Variants in RAI14 observed in about 807,000 individuals in gnomAD.
RAI14 encodes the protein ankycorbin.
RAI14 carries 45 observed loss-of-function variants against 115.4 expected under a neutral mutation model. The observed-to-expected ratio is 0.39, with a 90% CI of 0.31 to 0.50. The LOEUF is 0.50. RAI14 is among the 20% of genes least tolerant of loss of function. The pLI is 0.85. For synonymous variants in RAI14, 371 were observed against 415.4 expected, an observed-to-expected ratio of 0.89 and a Z score of 1.30; for missense variants, 939 against 1,131.2, an observed-to-expected ratio of 0.83 and a Z score of 2.44.
chr5:34,803,934 A>G lies in RAI14; in HGVS notation c.321+158A>G, dbSNP rs149072567. ...AAGCTTCATGATTGAAATGATAGCC[A>G]AGGAGAAGACTGTCTCCATAGCAAC... On this transcript the variant is annotated intron_variant, in intron 5 of 17. Coordinates refer to ENST00000265109, the MANE Select transcript of RAI14 (RefSeq NM_015577.3). 3.7e-4 allele frequency among the ~76,000 whole-genome samples: 56 copies of G among 152,314 alleles called. No individual in the cohort carries two copies. The East Asian group carries it at 6.8e-3, about 18-fold the overall frequency.
Position 34,822,983 on chromosome 5 carries a change from G to A in RAI14, c.1141G>A (p.Asp381Asn). ...QAKSPKEAEA[D>N]LSFDSYHSTQ... ...CAAATCACCCAAGGAGGCGGAAGCA[G>A]ACCTAAGCTTTGACTCATACCATTC... Residue 381 changes from aspartate (D) to asparagine (N), a missense_variant, in exon 15 of 18, where the codon GAC (aspartate) becomes AAC (asparagine). By Grantham distance (23) the Asp-to-Asn change is conservative. Coordinates refer to ENST00000265109, the MANE Select transcript of RAI14 (RefSeq NM_015577.3). 6.2e-7 allele frequency: 1 copy of A among 1,613,484 alleles called. No individual in the cohort carries two copies. The highest frequency in any genetic ancestry group is 8.5e-7 in the Non-Finnish European group (1 of 1,179,824).
intron 3 of RAI14, among the ~76,000 whole-genome samples, chr5:34,762,654 C>T (rs554127197): frequency 1.3e-5 from 2 of 152,252 alleles, no homozygotes; most frequent in African/African-American, 4.8e-5. Context: ...TAGCTGCAGC[C>T]TGTGTTTATG....
At chr5:34,798,842 G>A (rs544740402) in intron 4 of RAI14, among the ~76,000 whole-genome samples, 14 of 152,306 alleles carry the variant, frequency 9.2e-5, no homozygotes, top group African/African-American at 3.4e-4. Flanking sequence ...AATTGAAATT[G>A]GTGGAATCCA....
At chr5:34,798,650 T>TACC (rs1052608727) in intron 4 of RAI14, among the ~76,000 whole-genome samples, 2 of 152,210 alleles carry the variant, frequency 1.3e-5, no homozygotes, top group African/African-American at 4.8e-5. Flanking sequence ...AGCTCATATT[T>TACC]ACCACCAGAG....
chr5:34,827,198 TCTC>T lies in RAI14; in HGVS notation c.2799+725_2799+727del, dbSNP rs1224806803. Among the ~76,000 whole-genome samples the T allele has an allele frequency of 6.6e-6, 1 of 152,226 alleles. No homozygotes were observed. Among genetic ancestry groups the T allele is most frequent in the East Asian group, 1.9e-4 (1 of 5,170 alleles). On this transcript the variant is annotated intron_variant, in intron 16 of 17. Coordinates refer to ENST00000265109, the MANE Select transcript of RAI14 (RefSeq NM_015577.3). The surrounding 1 kb of genome is among the most constrained non-coding windows in gnomAD (Gnocchi z 4.2). ...CTCCAGCATCTGCTCAGTCTTCCCATCTCCTCCTTCAGCCTTTGATTTTCTTGC... is the reference window on the plus strand; with the variant it reads ...CTCCAGCATCTGCTCAGTCTTCCCATCTCCTTCAGCCTTTGATTTTCTTGC...
Position 34,673,884 on chromosome 5 carries a change from G to C in RAI14, c.-48-12988G>C, listed in dbSNP as rs1409134854. 4.6e-5 allele frequency among the ~76,000 whole-genome samples: 7 copies of C among 152,146 alleles called. No individual in the cohort carries two copies. In the East Asian group the frequency reaches 1.2e-3, roughly 25 times the overall value. On this transcript the variant is annotated intron_variant, in intron 1 of 17. Transcript: ENST00000265109. ...CCCTCCCCCAACTCTAAAAACCCCA[G>C]AGTCTCTGAATAGCCCTGATGAGGA... is the stretch of plus-strand genomic sequence containing the variant.
chr5:34,694,185 T>C (rs1738959561), intron 2 of RAI14, among the ~76,000 whole-genome samples: 1 of 152,238 alleles, frequency 6.6e-6, no homozygotes, highest in Admixed American at 6.5e-5. Flanking sequence ...ATTTAGACCA[T>C]TATCTCTTAC....
At chr5:34,811,686 C>T (rs1305985867) in intron 8 of RAI14, 81 bp from the exon 9 acceptor site, 5 of 1,301,102 alleles carry the variant, frequency 3.8e-6, no homozygotes, top group Non-Finnish European at 5.2e-6. Flanking sequence ...CTTCTTTTCT[C>T]TTTTTTTAAG....
At chr5:34,724,501 C>T (rs1451023092) in intron 2 of RAI14, among the ~76,000 whole-genome samples, 1 of 152,162 alleles carries the variant, frequency 6.6e-6, no homozygotes, top group Non-Finnish European at 1.5e-5. Context: ...TCCCCTAACT[C>T]CCCATGGCGT....
intron 2 of RAI14, among the ~76,000 whole-genome samples, chr5:34,753,223 C>T (rs925125065): frequency 2.2e-4 from 33 of 151,950 alleles, no homozygotes; most frequent in Non-Finnish European, 4.6e-4. Context: ...ATGGTGGTCT[C>T]CAAAAGCCTT....
chr5:34,714,138 C>T (rs939391021), intron 2 of RAI14, among the ~76,000 whole-genome samples: 2 of 152,182 alleles, frequency 1.3e-5, no homozygotes, highest in Admixed American at 6.5e-5. Context: ...AGGTACAGTT[C>T]TACTGTTCTA....
intron 3 of RAI14, among the ~76,000 whole-genome samples, chr5:34,778,351 T>G (rs925612997): frequency 1.1e-4 from 16 of 152,216 alleles, no homozygotes; most frequent in African/African-American, 3.9e-4. Flanking sequence ...ACTCTTTAAG[T>G]TAGCCAAGAC....
At chr5:34,776,800 CTT>C (rs1750902677) in intron 3 of RAI14, among the ~76,000 whole-genome samples, 2 of 149,408 alleles carry the variant, frequency 1.3e-5, no homozygotes, top group African/African-American at 2.4e-5. Context: ...GAGTGAGACC[CTT>C]TATTAAAAAA....
intron 2 of RAI14, among the ~76,000 whole-genome samples, chr5:34,748,376 G>T (rs536064211): frequency 6.6e-6 from 1 of 152,236 alleles, no homozygotes; most frequent in Non-Finnish European, 1.5e-5. Context: ...TGCTTGCCGT[G>T]TTGTATTGGT....
chr5:34,701,456 A>G (rs1432601563), intron 2 of RAI14, among the ~76,000 whole-genome samples: 2 of 152,200 alleles, frequency 1.3e-5, no homozygotes, highest in African/African-American at 4.8e-5. Flanking sequence ...AAGGACAGCC[A>G]CTGTAAGACT....
chr5:34,716,991 T>C (rs1742078328), intron 2 of RAI14: 1 of 152,224 alleles, frequency 6.6e-6, no homozygotes, highest in South Asian at 2.1e-4. Context: ...TTCTTTATTA[T>C]GGTCAGGAGA....
intron 3 of RAI14, among the ~76,000 whole-genome samples, chr5:34,773,455 C>T (rs1350463369): frequency 6.6e-6 from 1 of 152,050 alleles, no homozygotes; most frequent in African/African-American, 2.4e-5. Context: ...AAGGAAAGAA[C>T]AAAGTGAAGA....
chr5:34,796,963 G>A (rs1027332032), intron 4 of RAI14, among the ~76,000 whole-genome samples: 15 of 152,118 alleles, frequency 9.9e-5, no homozygotes, highest in African/African-American at 2.9e-4. Context: ...ATTCTAATGT[G>A]AAGCCAGTGT....
chr5:34,703,822 C>G (rs1170913793), intron 2 of RAI14, among the ~76,000 whole-genome samples: 1 of 152,148 alleles, frequency 6.6e-6, no homozygotes, highest in Non-Finnish European at 1.5e-5. Flanking sequence ...TAGCAGTTAC[C>G]TTGTAGGCAC....
Sources: allele counts gnomAD v4.1 joint callset (sites outside exome capture counted in the v4.1 genomes callset), GRCh38; gene constraint gnomAD v4.1.1; non-coding constraint Gnocchi (gnomAD v3.1); transcripts MANE v1.5; gene names NCBI Gene and HGNC (gene_info 2026-07-23, HGNC 2026-07-21).